Variants in COL18A1 observed in about 807,000 individuals in gnomAD.
COL18A1 encodes collagen alpha-1(XVIII) chain.
COL18A1 carries 133 observed loss-of-function variants against 168.0 expected under a neutral mutation model. The observed-to-expected ratio is 0.79, with a 90% CI of 0.69 to 0.91. COL18A1 has a LOEUF of 0.91. Among genes scored for constraint, COL18A1 ranks in the 40% least tolerant of loss-of-function variants. The probability of loss-of-function intolerance (pLI) is 0.00; values close to 1 mark genes in which losing one functional copy is unlikely to be tolerated. For synonymous variants in COL18A1, 949 were observed against 809.0 expected (o/e 1.17, Z -2.94); for missense variants, 2,126 against 1,925.4 (o/e 1.10, Z -1.95).
chr21:45,512,183 T>C lies in COL18A1; in HGVS notation c.3810-5T>C. On this transcript the variant is annotated splice_polypyrimidine_tract_variant and splice_region_variant and intron_variant, in intron 41 of 41. Coordinates refer to ENST00000651438, the MANE Select transcript of COL18A1 (RefSeq NM_001379500.1). ...GTTTGACTGACGGCCCGGCGCGTCT[T>C]ACAGGCCCCAGAAGAGCGTGTGGCA... is the stretch of plus-strand genomic sequence containing the variant. 1 of 1,611,230 alleles carries C rather than the reference T, an allele frequency of 6.2e-7. No individual in the cohort carries two copies. Among genetic ancestry groups the C allele is most frequent in the Non-Finnish European group, 8.5e-7 (1 of 1,179,172 alleles).
intron 7 of COL18A1, 99 bp downstream of exon 7, chr21:45,477,586 C>T: frequency 1.5e-6 from 2 of 1,327,812 alleles, no homozygotes; most frequent in Non-Finnish European, 2.1e-6. Flanking sequence ...CCCTCTGTGC[C>T]CGTGCCTCCT....
At chr21:45,501,651 G>A (rs1348680326) in intron 32 of COL18A1, among the ~76,000 whole-genome samples, 1 of 151,954 alleles carries the variant, frequency 6.6e-6, no homozygotes, top group Non-Finnish European at 1.5e-5. Flanking sequence ...AGGTGGTGGG[G>A]CCTCCACAGC....
At chr21:45,495,735 C>T in intron 29 of COL18A1, 1 of 406,636 alleles carries the variant, frequency 2.5e-6, no homozygotes. Context: ...CACACATCCA[C>T]ACGTGCTCAT....
At chr21:45,495,515 C>T in intron 29 of COL18A1, 83 bp downstream of exon 29, 2 of 1,245,176 alleles carry the variant, frequency 1.6e-6, no homozygotes, top group Admixed American at 2.0e-5. Context: ...GGTCCTGCAG[C>T]TCCTCCCAGA....
chr21:45,409,265 G>A (rs552943990), intron 2 of COL18A1, among the ~76,000 whole-genome samples: 1 of 152,332 alleles, frequency 6.6e-6, no homozygotes, highest in South Asian at 2.1e-4. Context: ...ACGGCGCAGG[G>A]TCTGAGACAG....
intron 2 of COL18A1, among the ~76,000 whole-genome samples, chr21:45,415,678 G>T (rs1364737568): frequency 6.6e-6 from 1 of 152,210 alleles, no homozygotes; most frequent in Non-Finnish European, 1.5e-5. Flanking sequence ...GGGGCCTGGG[G>T]TTCACGCCTT....
chr21:45,475,968 A>C (rs1305720656), intron 5 of COL18A1, among the ~76,000 whole-genome samples: 2 of 152,106 alleles, frequency 1.3e-5, no homozygotes, highest in Non-Finnish European at 2.9e-5. Context: ...AAAACACAGG[A>C]GGGGCGGGGA....
Position 45,480,519 on chromosome 21 carries a change from G to T in COL18A1, c.1451G>T (p.Arg484Leu), listed in dbSNP as rs748764112. Residue 484 changes from arginine to leucine, a missense_variant and splice_region_variant, in exon 12 of 42, where the codon CGG (arginine) becomes CTG (leucine). Physicochemically the swap from Arg to Leu is moderately radical, Grantham distance 102. Coordinates refer to ENST00000651438, the MANE Select transcript of COL18A1 (RefSeq NM_001379500.1). ...SGFGGDLEAL[R>L]GPRGFPGPPG... ...TTCGGGGGCGATCTGGAGGCCCTGC[G>T]GGTGAGTGGCCCTTAAACTGCAGCG... 6.2e-7 allele frequency: 1 copy of T among 1,613,998 alleles called. No individual in the cohort carries two copies. The highest frequency in any genetic ancestry group is 2.2e-5 in the East Asian group (1 of 44,870).
chr21:45,445,394 T>G lies in COL18A1; in HGVS notation c.107-22848T>G, dbSNP rs1295026521. ...TTCTGAGCGGTGTCCACCTTTTAGCTGTGATGAACGGTGCTGTTGTGAACA... is the reference window on the plus strand; with the variant it reads ...TTCTGAGCGGTGTCCACCTTTTAGCGGTGATGAACGGTGCTGTTGTGAACA... On this transcript the variant is annotated intron_variant, in intron 2 of 41. Coordinates refer to ENST00000651438, the MANE Select transcript of COL18A1 (RefSeq NM_001379500.1). Among the ~76,000 whole-genome samples, 3 of 152,236 alleles carry G rather than the reference T, an allele frequency of 2.0e-5. No homozygotes were observed. In the East Asian group the frequency reaches 5.8e-4, roughly 29 times the overall value.
chr21:45,418,488 G>A (rs969447817), intron 2 of COL18A1, among the ~76,000 whole-genome samples: 11 of 152,132 alleles, frequency 7.2e-5, no homozygotes, highest in African/African-American at 1.2e-4. Context: ...ATGAATTCCC[G>A]GGCTGGCTCT....
At chr21:45,435,195 A>T (rs2145791652) in intron 2 of COL18A1, among the ~76,000 whole-genome samples, 1 of 139,296 alleles carries the variant, frequency 7.2e-6, no homozygotes, top group Non-Finnish European at 1.6e-5. Context: ...GAGTCCTGGG[A>T]AGTGGGTAGG....
chr21:45,436,554 C>T (rs746179261), intron 2 of COL18A1, among the ~76,000 whole-genome samples: 9 of 152,004 alleles, frequency 5.9e-5, no homozygotes, highest in Admixed American at 1.3e-4. Context: ...CCTCAGGCCA[C>T]GTGGAGGCCA....
At chr21:45,448,471 CCA>C (rs1373731104) in intron 2 of COL18A1, among the ~76,000 whole-genome samples, 1 of 152,248 alleles carries the variant, frequency 6.6e-6, no homozygotes, top group Non-Finnish European at 1.5e-5. Flanking sequence ...CACATGCAGT[CCA>C]CACACACAGA....
At chr21:45,410,927 G>C (rs539859388) in intron 2 of COL18A1, among the ~76,000 whole-genome samples, 1 of 152,044 alleles carries the variant, frequency 6.6e-6, no homozygotes, top group East Asian at 1.9e-4. Context: ...TGGAGGCCTC[G>C]TCTGGACACA....
intron 2 of COL18A1, among the ~76,000 whole-genome samples, chr21:45,448,767 C>T (rs2034558091): frequency 6.6e-6 from 1 of 152,240 alleles, no homozygotes; most frequent in Admixed American, 6.5e-5. Context: ...CCCCACTGGC[C>T]TGCGTATCTT....
intron 32 of COL18A1, among the ~76,000 whole-genome samples, chr21:45,500,050 G>A (rs562603388): frequency 3.3e-5 from 5 of 152,030 alleles, no homozygotes; most frequent in African/African-American, 7.2e-5. Context: ...AGAGGTCGAG[G>A]CACCCAGAGG....
intron 2 of COL18A1, chr21:45,421,166 G>A (rs1056226897): frequency 7.0e-5 from 24 of 344,680 alleles, no homozygotes; most frequent in Non-Finnish European, 4.0e-5. Flanking sequence ...AAGGACAGAC[G>A]GACAGACAGG....
intron 2 of COL18A1, among the ~76,000 whole-genome samples, chr21:45,465,812 C>A (rs961910628): frequency 1.3e-5 from 2 of 152,150 alleles, no homozygotes; most frequent in South Asian, 4.1e-4. Context: ...CACAGGCGGG[C>A]GTCCGTGGAG....
At chr21:45,485,467 G>A (rs1382390829) in intron 15 of COL18A1, among the ~76,000 whole-genome samples, 1 of 151,668 alleles carries the variant, frequency 6.6e-6, no homozygotes, top group Non-Finnish European at 1.5e-5. Flanking sequence ...CTGTGCTCTA[G>A]CCTGGGCAAC....
Sources: gnomAD v4.1 joint callset for allele counts (sites outside exome capture counted in the v4.1 genomes callset) on GRCh38, gnomAD v4.1.1 for gene constraint, MANE v1.5 for transcripts, NCBI Gene and HGNC (gene_info 2026-07-23, HGNC 2026-07-21) for gene names.